CACNB4: variants seen among roughly 807,000 people sequenced by gnomAD.
CACNB4 encodes voltage-dependent L-type calcium channel subunit beta-4.
A neutral mutation model predicts 71.2 loss-of-function variants in CACNB4; 32 were observed. The observed-to-expected ratio is 0.45, with a 90% confidence interval of 0.34 to 0.60. The LOEUF is 0.60. Ranked by LOEUF, CACNB4 falls within the 20% of genes least tolerant of loss-of-function variation. The probability of loss-of-function intolerance (pLI) is 0.01; values close to 1 mark genes in which losing one functional copy is unlikely to be tolerated. For missense variants in CACNB4, 464 were observed against 647.9 expected (o/e 0.72, Z 3.08); for synonymous variants, 231 against 236.9 (o/e 0.97, Z 0.23).
chr2:151,992,481 G>A (rs1417107459), intron 2 of CACNB4, among the ~76,000 whole-genome samples: 2 of 152,252 alleles, frequency 1.3e-5, no homozygotes, highest in Non-Finnish European at 2.9e-5. Flanking sequence ...TTGTTAGCAT[G>A]TAACTATGGC....
At chr2:151,856,803 T>C (rs2099840431) in intron 10 of CACNB4, 1 of 152,100 alleles carries the variant, frequency 6.6e-6, no homozygotes, top group Admixed American at 6.6e-5. Flanking sequence ...GCCTCAACCT[T>C]CTGGGCTCAA....
intron 2 of CACNB4, among the ~76,000 whole-genome samples, chr2:152,042,657 C>T (rs1171916897): frequency 2.7e-5 from 4 of 150,528 alleles, no homozygotes; most frequent in East Asian, 3.9e-4. Flanking sequence ...ATCTTATGTT[C>T]CCCCTTCTGG....
chr2:152,090,379 C>T (rs562982352), intron 2 of CACNB4, among the ~76,000 whole-genome samples: 9 of 152,290 alleles, frequency 5.9e-5, no homozygotes, highest in African/African-American at 1.9e-4. Flanking sequence ...TGAAGATGGG[C>T]GCAGTGGCTC....
At chr2:151,880,610 T>C (rs2099847587) in intron 4 of CACNB4, 190 bp downstream of exon 4, 2 of 620,952 alleles carry the variant, frequency 3.2e-6, no homozygotes, top group Non-Finnish European at 5.6e-6. Flanking sequence ...TGTCAGTGTG[T>C]GATAATGCAA....
intron 2 of CACNB4, among the ~76,000 whole-genome samples, chr2:152,052,855 A>T (rs1685518881): frequency 6.6e-6 from 1 of 151,738 alleles, no homozygotes. Flanking sequence ...GGTGGCAGGC[A>T]CCTGTAGTCT....
chr2:152,029,259 C>T (rs940423388), intron 2 of CACNB4, among the ~76,000 whole-genome samples: 1 of 151,988 alleles, frequency 6.6e-6, no homozygotes, highest in African/African-American at 2.4e-5. Flanking sequence ...CTTTGGGAGG[C>T]TGAGGTGGGC....
intron 5 of CACNB4, among the ~76,000 whole-genome samples, chr2:151,875,654 G>C (rs1417154781): frequency 1.5e-5 from 2 of 129,360 alleles, no homozygotes; most frequent in Non-Finnish European, 3.2e-5. Context: ...CGGACGGGGC[G>C]GCTGGCCGGG....
At chr2:151,862,761 A>G (rs894148063) in intron 9 of CACNB4, among the ~76,000 whole-genome samples, 1 of 152,258 alleles carries the variant, frequency 6.6e-6, no homozygotes, top group Non-Finnish European at 1.5e-5. Context: ...GCACATGGTT[A>G]GTTACAGCTC....
chr2:152,070,185 T>C (rs993324420), intron 2 of CACNB4, among the ~76,000 whole-genome samples: 5 of 152,154 alleles, frequency 3.3e-5, no homozygotes, highest in Non-Finnish European at 7.3e-5. Context: ...GAATATGTCA[T>C]GACTTCACAA....
Position 151,860,541 on chromosome 2 carries a change from C to T in CACNB4, c.868+170G>A. 6.4e-6 allele frequency: 4 copies of T among 627,186 alleles called. No individual in the cohort carries two copies. In the Admixed American group the frequency reaches 9.0e-5, roughly 14 times the overall value. 38.9% of individuals were successfully genotyped at this position (627,186 alleles called of 1,614,324 possible). ...AAAGCTGAGAGACAGCAAGCTCTCG[C>T]TACTGCAAGACTCTGCTGCCTTCTT... On this transcript the variant is annotated intron_variant, in intron 10 of 13. Coordinates refer to ENST00000539935, the MANE Select transcript of CACNB4 (RefSeq NM_000726.5).
intron 2 of CACNB4, among the ~76,000 whole-genome samples, chr2:151,979,844 A>G (rs772950223): frequency 2.0e-5 from 3 of 152,164 alleles, no homozygotes; most frequent in Non-Finnish European, 4.4e-5. Flanking sequence ...AGAGCCAGAG[A>G]GTAATTTGAT....
Position 152,098,564 on chromosome 2 carries a change from G to GCCGGCCCCCCCCCC in CACNB4, c.64-152_64-151insGGGGGGGGGGCCGG. 1.1e-6 allele frequency: 1 copy of GCCGGCCCCCCCCCC among 931,268 alleles called. No homozygotes were observed. The highest frequency in any genetic ancestry group is 1.7e-6 in the Non-Finnish European group (1 of 583,194). The allele number at this position is 931,268 out of a possible 1,614,324, so 57.7% of individuals were successfully genotyped here. On this transcript the variant is annotated intron_variant, in intron 1 of 13. Transcript: ENST00000539935. The surrounding 1 kb of genome is among the most constrained non-coding windows in gnomAD (Gnocchi z 5.3). Reference sequence around the variant, plus strand: ...GTCTCCTCCGCGACTCCCAAATACAGCCCCCACCCCCACCCACCCACTGCA... The same window carrying GCCGGCCCCCCCCCC: ...GTCTCCTCCGCGACTCCCAAATACAGCCGGCCCCCCCCCCCCCCCACCCCCACCCACCCACTGCA...
intron 2 of CACNB4, among the ~76,000 whole-genome samples, chr2:151,933,789 T>C (rs933029285): frequency 1.3e-5 from 2 of 152,188 alleles, no homozygotes; most frequent in Admixed American, 6.5e-5. Context: ...TAGGGTCACA[T>C]TAAAGAAACT....
intron 2 of CACNB4, among the ~76,000 whole-genome samples, chr2:152,032,725 G>C (rs1393262870): frequency 6.6e-6 from 1 of 152,018 alleles, no homozygotes; most frequent in African/African-American, 2.4e-5. Flanking sequence ...CAGCACTTTG[G>C]GAGGTTGAGG....
At chr2:152,086,542 C>T (rs1050520651) in intron 2 of CACNB4, among the ~76,000 whole-genome samples, 3 of 152,218 alleles carry the variant, frequency 2.0e-5, no homozygotes, top group African/African-American at 7.2e-5. Context: ...GGAACTCAAG[C>T]ACTCCGCTTT....
intron 2 of CACNB4, among the ~76,000 whole-genome samples, chr2:152,086,870 C>G (rs774218159): frequency 2.7e-4 from 41 of 152,204 alleles, no homozygotes; most frequent in Non-Finnish European, 5.3e-4. Context: ...GTGGCTCACG[C>G]CTATAATCCC....
At chr2:152,066,910 C>A (rs1203821507) in intron 2 of CACNB4, among the ~76,000 whole-genome samples, 2 of 145,450 alleles carry the variant, frequency 1.4e-5, no homozygotes, top group South Asian at 4.5e-4. Context: ...AACCAAACAC[C>A]GCATATTCTC....
chr2:151,993,525 A>C (rs1681838073), intron 2 of CACNB4, among the ~76,000 whole-genome samples: 1 of 151,584 alleles, frequency 6.6e-6, no homozygotes, highest in African/African-American at 2.4e-5. Flanking sequence ...AGTGCCAGAG[A>C]CTACTTCTCT....
chr2:151,955,128 T>C (rs563739216), intron 2 of CACNB4, among the ~76,000 whole-genome samples: 6 of 152,274 alleles, frequency 3.9e-5, no homozygotes, highest in African/African-American at 1.2e-4. Flanking sequence ...GTGCTGGGAT[T>C]ACAGGCGTGA....
Sources: gnomAD v4.1 joint callset for allele counts (sites outside exome capture counted in the v4.1 genomes callset) on GRCh38, gnomAD v4.1.1 for gene constraint, Gnocchi (gnomAD v3.1) non-coding constraint, MANE v1.5 for transcripts, NCBI Gene and HGNC (gene_info 2026-07-23, HGNC 2026-07-21) for gene names.